PTPRO: variants seen among roughly 807,000 people sequenced by gnomAD.
PTPRO encodes the protein receptor-type tyrosine-protein phosphatase O.
A neutral mutation model predicts 145.2 loss-of-function variants in PTPRO; 62 were observed. The observed-to-expected ratio is 0.43, with a 90% confidence interval of 0.35 to 0.53. The LOEUF (loss-of-function observed/expected upper bound fraction) is 0.53, where lower values mean the gene tolerates loss of function less well. Ranked by LOEUF, PTPRO falls within the 20% of genes least tolerant of loss-of-function variation. The pLI is 0.01. For missense variants in PTPRO, 1,345 were observed against 1,482.7 expected (o/e 0.91, Z 1.53); for synonymous variants, 565 against 514.7 (o/e 1.10, Z -1.32).
chr12:15,322,522 A>T lies in PTPRO; in HGVS notation c.-205A>T. 1.6e-6 allele frequency: 1 copy of T among 633,472 alleles called. No individual in the cohort carries two copies. The highest frequency in any genetic ancestry group is 2.8e-5 in the East Asian group (1 of 35,866). The allele number at this position is 633,472 out of a possible 1,614,324, so 39.2% of individuals were successfully genotyped here. A position where few individuals can be genotyped will look rare whatever the true frequency, so the allele number is the denominator to read the frequency against. Reference sequence around the variant, plus strand: ...TCTCCATCCTTAGTCATTAAAGAACAGCAGCGCCTGGCACGTTCTTGGAGG... The same window carrying T: ...TCTCCATCCTTAGTCATTAAAGAACTGCAGCGCCTGGCACGTTCTTGGAGG... On this transcript the variant is annotated 5_prime_UTR_variant, in exon 1 of 27. Coordinates refer to ENST00000281171, the MANE Select transcript of PTPRO (RefSeq NM_030667.3). The surrounding 1 kb of genome is among the most constrained non-coding windows in gnomAD (Gnocchi z 6.3).
At chr12:15,443,902 C>T (rs1271635354) in intron 1 of PTPRO, among the ~76,000 whole-genome samples, 1 of 151,888 alleles carries the variant, frequency 6.6e-6, no homozygotes, top group African/African-American at 2.4e-5. Context: ...TGTAAATCAG[C>T]TCTGCCAATA....
At position 15,322,650 on chromosome 12, in the gene PTPRO, C is replaced by A; in HGVS notation, c.-77C>A. On this transcript the variant is annotated 5_prime_UTR_variant, in exon 1 of 27. Transcript: ENST00000281171. This position sits in a 1 kb window ranked among gnomAD's most constrained non-coding sequence, Gnocchi z 6.3. ...GGCGCCCAGGGTCTGAGGCTGCAGC[C>A]CCAGTTCGCCATTGTGAGCCGCCGC... The A allele has an allele frequency of 7.9e-7, 1 of 1,269,514 alleles. No individual in the cohort carries two copies. The highest frequency in any genetic ancestry group is 1.1e-6 in the Non-Finnish European group (1 of 889,536). The allele number at this position is 1,269,514 out of a possible 1,614,324, so 78.6% of individuals were successfully genotyped here. A position where few individuals can be genotyped will look rare whatever the true frequency, so the allele number is the denominator to read the frequency against.
intron 1 of PTPRO, among the ~76,000 whole-genome samples, chr12:15,343,870 G>A (rs974462541): frequency 2.0e-5 from 3 of 152,098 alleles, no homozygotes; most frequent in African/African-American, 7.2e-5. Flanking sequence ...TTTTTTAGTA[G>A]AGACGGGGTT....
intron 25 of PTPRO, 31 bp from the exon 26 acceptor site, chr12:15,594,906 C>T: frequency 6.7e-7 from 1 of 1,488,162 alleles, no homozygotes; most frequent in Non-Finnish European, 9.4e-7. Flanking sequence ...CACATGTCTG[C>T]TCTGAAACCT....
At chr12:15,352,649 CAAAAA>C (rs71042243) in intron 1 of PTPRO, among the ~76,000 whole-genome samples, 7 of 100,350 alleles carry the variant, frequency 7.0e-5, no homozygotes, top group East Asian at 2.9e-4. Context: ...GACTCTGTCT[CAAAAA>C]AAAAAAAAAA....
At chr12:15,434,624 C>T (rs79709826) in intron 1 of PTPRO, among the ~76,000 whole-genome samples, 4,416 of 152,210 alleles carry the variant, frequency 0.029, 233 homozygotes, top group African/African-American at 0.1. Flanking sequence ...AAATAAAACA[C>T]AGACCCACTT....
At chr12:15,406,776 G>C (rs1939658832) in intron 1 of PTPRO, among the ~76,000 whole-genome samples, 1 of 152,088 alleles carries the variant, frequency 6.6e-6, no homozygotes, top group African/African-American at 2.4e-5. Flanking sequence ...GGCTCAGAAA[G>C]GATCCTTATA....
At chr12:15,374,792 A>G (rs1397669296) in intron 1 of PTPRO, among the ~76,000 whole-genome samples, 1 of 152,206 alleles carries the variant, frequency 6.6e-6, no homozygotes, top group African/African-American at 2.4e-5. Context: ...AGACCTGCCA[A>G]TGAGATATCC....
At chr12:15,397,647 T>A (rs1038251619) in intron 1 of PTPRO, among the ~76,000 whole-genome samples, 1 of 152,202 alleles carries the variant, frequency 6.6e-6, no homozygotes, top group African/African-American at 2.4e-5. Flanking sequence ...GGTTTGTGGC[T>A]TTGGTCCTGG....
At chr12:15,367,558 A>C (rs529058915) in intron 1 of PTPRO, among the ~76,000 whole-genome samples, 1 of 152,202 alleles carries the variant, frequency 6.6e-6, no homozygotes, top group South Asian at 2.1e-4. Flanking sequence ...TTCCCATGGA[A>C]CTCCAGATTC....
At chr12:15,347,310 A>G (rs1398911278) in intron 1 of PTPRO, among the ~76,000 whole-genome samples, 4 of 152,162 alleles carry the variant, frequency 2.6e-5, no homozygotes, top group Non-Finnish European at 4.4e-5. Flanking sequence ...TTTCCTTCTT[A>G]ATACATCACT....
intron 23 of PTPRO, among the ~76,000 whole-genome samples, chr12:15,582,833 CA>C (rs955847199): frequency 3.3e-5 from 5 of 151,582 alleles, no homozygotes; most frequent in African/African-American, 1.2e-4. Flanking sequence ...ATAACACATC[CA>C]AAAAAAATGT....
intron 1 of PTPRO, among the ~76,000 whole-genome samples, chr12:15,428,685 A>T (rs186591877): frequency 8.5e-5 from 13 of 152,298 alleles, no homozygotes; most frequent in African/African-American, 3.1e-4. Flanking sequence ...GATAGAATTT[A>T]TATCTTGCCT....
chr12:15,549,072 A>G, intron 13 of PTPRO, 22 bp from the exon 14 acceptor site: 8 of 1,611,386 alleles, frequency 5.0e-6, no homozygotes, highest in Non-Finnish European at 6.8e-6. Context: ...CCTAAAATTT[A>G]CCTTATTTTC....
chr12:15,444,583 C>G (rs562556958), intron 1 of PTPRO, among the ~76,000 whole-genome samples: 27 of 152,126 alleles, frequency 1.8e-4, no homozygotes, highest in Non-Finnish European at 1.8e-4. Context: ...ATTCCCCTCC[C>G]CCGCCCAAAT....
At chr12:15,522,501 C>T (rs1441608707) in intron 10 of PTPRO, among the ~76,000 whole-genome samples, 2 of 151,582 alleles carry the variant, frequency 1.3e-5, no homozygotes, top group Non-Finnish European at 2.9e-5. Flanking sequence ...AATAATCATT[C>T]ACTGAAGAAT....
intron 12 of PTPRO, among the ~76,000 whole-genome samples, chr12:15,531,130 T>G (rs1942954227): frequency 6.6e-6 from 1 of 152,068 alleles, no homozygotes; most frequent in Non-Finnish European, 1.5e-5. Context: ...ATGGATAGAT[T>G]CCTGAACACA....
At chr12:15,337,131 T>C (rs1291032209) in intron 1 of PTPRO, among the ~76,000 whole-genome samples, 3 of 152,110 alleles carry the variant, frequency 2.0e-5, no homozygotes, top group African/African-American at 7.2e-5. Flanking sequence ...AAGAAACGTT[T>C]TGTAGGAAGA....
At chr12:15,514,469 A>AAAG (rs1942533218) in intron 7 of PTPRO, among the ~76,000 whole-genome samples, 1 of 145,116 alleles carries the variant, frequency 6.9e-6, no homozygotes, top group Non-Finnish European at 1.5e-5. Flanking sequence ...AAAAAAAAAA[A>AAAG]AAAAGAAAGA....
Sources: gnomAD v4.1 joint callset for allele counts (sites outside exome capture counted in the v4.1 genomes callset) on GRCh38, gnomAD v4.1.1 for gene constraint, Gnocchi (gnomAD v3.1) non-coding constraint, MANE v1.5 for transcripts, NCBI Gene and HGNC (gene_info 2026-07-23, HGNC 2026-07-21) for gene names.